The following TAF4B variants were observed in gnomAD, a reference collection of about 807,000 sequenced individuals.
TAF4B encodes the protein transcription initiation factor TFIID subunit 4B.
Under a neutral mutation model 86.4 loss-of-function variants are expected in TAF4B, and 38 were observed. That is an observed-to-expected ratio of 0.44 (90% CI 0.34 to 0.58). The LOEUF (loss-of-function observed/expected upper bound fraction) is 0.58, where lower values mean the gene tolerates loss of function less well. TAF4B is among the 20% of genes least tolerant of loss of function. The probability of loss-of-function intolerance (pLI) is 0.02; values close to 1 mark genes in which losing one functional copy is unlikely to be tolerated. For synonymous variants in TAF4B, 388 were observed against 391.2 expected, an observed-to-expected ratio of 0.99 and a Z score of 0.10; for missense variants, 988 against 1,027.6, an observed-to-expected ratio of 0.96 and a Z score of 0.53.
chr18:26,257,094 A>C (rs1323209707), intron 1 of TAF4B, among the ~76,000 whole-genome samples: 1 of 152,136 alleles, frequency 6.6e-6, no homozygotes, highest in African/African-American at 2.4e-5. Flanking sequence ...CATAGATCTG[A>C]GTTAGGTTTA....
At chr18:26,242,738 G>A (rs1338720154) in intron 1 of TAF4B, among the ~76,000 whole-genome samples, 4 of 152,158 alleles carry the variant, frequency 2.6e-5, no homozygotes, top group African/African-American at 9.7e-5. Flanking sequence ...GTTCCTTGCT[G>A]TGTTTAGTGC....
chr18:26,358,138 T>A (rs1321942783), intron 14 of TAF4B, among the ~76,000 whole-genome samples: 1 of 152,216 alleles, frequency 6.6e-6, no homozygotes, highest in East Asian at 1.9e-4. Flanking sequence ...ATCTGGCTAA[T>A]CTTGTAAGAC....
intron 13 of TAF4B, among the ~76,000 whole-genome samples, chr18:26,352,515 A>G (rs2057253835): frequency 1.3e-5 from 2 of 152,090 alleles, no homozygotes; most frequent in African/African-American, 4.8e-5. Flanking sequence ...AGAACTTTTC[A>G]TAAGACTGAG....
chr18:26,345,125 A>G (rs1458507918), intron 13 of TAF4B, among the ~76,000 whole-genome samples: 1 of 152,148 alleles, frequency 6.6e-6, no homozygotes, highest in Non-Finnish European at 1.5e-5. Flanking sequence ...CTGCTTGTAC[A>G]CAGCCCTCCA....
intron 1 of TAF4B, among the ~76,000 whole-genome samples, chr18:26,229,104 A>G (rs894817612): frequency 1.3e-5 from 2 of 152,118 alleles, no homozygotes; most frequent in Admixed American, 6.6e-5. Flanking sequence ...TGATTCAGAG[A>G]ACTTTAGATT....
At chr18:26,384,270 A>G (rs529454130) in intron 14 of TAF4B, among the ~76,000 whole-genome samples, 3 of 152,298 alleles carry the variant, frequency 2.0e-5, no homozygotes, top group African/African-American at 7.2e-5. Context: ...TGTTTGGTTA[A>G]CTGTTCAGAT....
chr18:26,320,097 GC>G (rs1181471221), intron 10 of TAF4B, among the ~76,000 whole-genome samples: 4 of 152,080 alleles, frequency 2.6e-5, no homozygotes, highest in African/African-American at 9.7e-5. Flanking sequence ...TTTAATTCAA[GC>G]ATATTTTTTC....
chr18:26,233,310 A>G (rs2055700264), intron 1 of TAF4B, among the ~76,000 whole-genome samples: 1 of 152,128 alleles, frequency 6.6e-6, no homozygotes, highest in African/African-American at 2.4e-5. Context: ...TCAAGAAAGT[A>G]ATTGAAAGAA....
At chr18:26,293,851 A>G (rs1174704464) in intron 9 of TAF4B, among the ~76,000 whole-genome samples, 1 of 152,156 alleles carries the variant, frequency 6.6e-6, no homozygotes, top group African/African-American at 2.4e-5. Context: ...CCATCACGAT[A>G]GATCATTTTT....
At chr18:26,341,885 A>T (rs2057139597) in intron 13 of TAF4B, among the ~76,000 whole-genome samples, 1 of 150,916 alleles carries the variant, frequency 6.6e-6, no homozygotes, top group African/African-American at 2.4e-5. Flanking sequence ...TTCAGCTGTT[A>T]ATGTTTAGTA....
chr18:26,227,096 G>A lies in TAF4B; in HGVS notation c.163G>A (p.Glu55Lys). 6.2e-7 allele frequency: 1 copy of A among 1,611,456 alleles called. No individual in the cohort carries two copies. Among genetic ancestry groups the A allele is most frequent in the Non-Finnish European group, 8.5e-7 (1 of 1,179,170 alleles). ...TAAGGCTCCTGTCAGCGTCTGCGTG[G>A]AGCCCACGGCGTCCCAGCCCCTGCG... Reference protein sequence around the residue: ...VTKAPVSVCVEPTASQPLRSP... With the variant: ...VTKAPVSVCVKPTASQPLRSP... The change falls in exon 1 of 15, where the codon GAG becomes AAG. Residue 55 changes from glutamate to lysine, a missense_variant. Transcript: ENST00000269142.
intron 14 of TAF4B, among the ~76,000 whole-genome samples, chr18:26,385,023 C>T (rs1272281239): frequency 1.3e-5 from 2 of 152,058 alleles, no homozygotes; most frequent in East Asian, 1.9e-4. Flanking sequence ...GCTACATTAC[C>T]GTGGATGGTG....
Position 26,265,236 on chromosome 18 carries a change from G to T in TAF4B, c.410G>T (p.Arg137Ile). The change falls in exon 2 of 15, where the codon AGA becomes ATA. Residue 137 changes from arginine (R) to isoleucine (I), a missense_variant. Arg to Ile is a moderately conservative substitution (Grantham distance 97, BLOSUM62 -3). This residue lies in a region of TAF4B where 747 missense variants were observed against 737.9 expected (regional missense o/e 1.01). Transcript: ENST00000269142. ...MLVSPQQTVT[R>I]AETTSNITSR... Reference sequence around the variant, plus strand: ...GTATCTCCTCAGCAAACTGTAACAAGAGCCGAGACCACAAGTAACATAACC... The same window carrying T: ...GTATCTCCTCAGCAAACTGTAACAATAGCCGAGACCACAAGTAACATAACC... 6.2e-7 allele frequency: 1 copy of T among 1,614,046 alleles called. No individual in the cohort carries two copies. Among genetic ancestry groups the T allele is most frequent in the Non-Finnish European group, 8.5e-7 (1 of 1,180,024 alleles).
intron 13 of TAF4B, 116 bp downstream of exon 13, chr18:26,335,347 G>T: frequency 1.2e-6 from 1 of 848,188 alleles, no homozygotes. Context: ...AGAAGCCTTG[G>T]GGAAGGACAG....
intron 13 of TAF4B, among the ~76,000 whole-genome samples, chr18:26,338,547 C>T (rs572686295): frequency 5.1e-5 from 7 of 136,122 alleles, no homozygotes; most frequent in African/African-American, 8.2e-5. Flanking sequence ...GGCACGATCT[C>T]GGCTCACTGC....
Position 26,346,907 on chromosome 18 carries a change from G to GTATATATATA in TAF4B, c.2317-10776_2317-10767dup, listed in dbSNP as rs61248095. Among the ~76,000 whole-genome samples, 63 of 11,216 alleles carry GTATATATATA rather than the reference G, an allele frequency of 5.6e-3. 4 individuals carry two copies. The highest frequency in any genetic ancestry group is 0.019 in the East Asian group (2 of 104). The allele number at this position is 11,216 out of a possible 152,430, so 7.4% of individuals were successfully genotyped here. A position where few individuals can be genotyped will look rare whatever the true frequency, so the allele number is the denominator to read the frequency against. On this transcript the variant is annotated intron_variant, in intron 13 of 14. Coordinates refer to ENST00000269142, the MANE Select transcript of TAF4B (RefSeq NM_005640.3). ...TATATATATATATATATATGTGTGTGTATATATATATATATAGTTTTTTGT... is the reference window on the plus strand; with the variant it reads ...TATATATATATATATATATGTGTGTGTATATATATATATATATATATATATAGTTTTTTGT...
At chr18:26,376,940 CT>C (rs972951840) in intron 14 of TAF4B, among the ~76,000 whole-genome samples, 1 of 151,668 alleles carries the variant, frequency 6.6e-6, no homozygotes, top group East Asian at 1.9e-4. Flanking sequence ...GATGATCGTG[CT>C]TTTTTTTCCC....
chr18:26,297,889 A>G (rs919798545), intron 9 of TAF4B, among the ~76,000 whole-genome samples: 1 of 152,156 alleles, frequency 6.6e-6, no homozygotes, highest in Non-Finnish European at 1.5e-5. Context: ...GTATATAAGC[A>G]TATGTTTAAC....
intron 14 of TAF4B, among the ~76,000 whole-genome samples, chr18:26,359,696 C>T (rs955666116): frequency 1.3e-5 from 2 of 151,982 alleles, no homozygotes; most frequent in East Asian, 1.9e-4. Flanking sequence ...CTCCAGCGAC[C>T]GTCAATTTAA....
Sources: gnomAD v4.1 joint callset for allele counts (sites outside exome capture counted in the v4.1 genomes callset) on GRCh38, gnomAD v4.1.1 for gene constraint, gnomAD v4.1.1 regional missense constraint, MANE v1.5 for transcripts, NCBI Gene and HGNC (gene_info 2026-07-23, HGNC 2026-07-21) for gene names.